STIM2: variants seen among roughly 807,000 people sequenced by gnomAD.
STIM2 encodes the protein stromal interaction molecule 2.
In STIM2, 31 loss-of-function variants were observed where a neutral mutation model predicts 85.8. The ratio of observed to expected loss-of-function variants is 0.36; its 90% confidence interval spans 0.27 to 0.49. The LOEUF (loss-of-function observed/expected upper bound fraction) is 0.49. Ranked by LOEUF, STIM2 falls within the 20% of genes least tolerant of loss-of-function variation. The pLI, the probability that STIM2 is intolerant of heterozygous loss-of-function variation, is 0.98. For synonymous variants in STIM2, 356 were observed against 331.1 expected, an observed-to-expected ratio of 1.08 and a Z score of -0.82; for missense variants, 841 against 927.6, an observed-to-expected ratio of 0.91 and a Z score of 1.21.
At chr4:26,864,365 C>T (rs968640413) in intron 1 of STIM2, among the ~76,000 whole-genome samples, 1 of 151,734 alleles carries the variant, frequency 6.6e-6, no homozygotes, top group African/African-American at 2.4e-5. Flanking sequence ...TTTAATAACT[C>T]AAAACAATAG....
chr4:26,951,416 T>C (rs566267676), intron 2 of STIM2, among the ~76,000 whole-genome samples: 1 of 152,246 alleles, frequency 6.6e-6, no homozygotes, highest in East Asian at 1.9e-4. Flanking sequence ...TTGCACCTTT[T>C]CCTAGAAATT....
At chr4:26,951,826 T>G (rs879529328) in intron 2 of STIM2, among the ~76,000 whole-genome samples, 1 of 152,272 alleles carries the variant, frequency 6.6e-6, no homozygotes, top group Non-Finnish European at 1.5e-5. Context: ...TTAACTTATG[T>G]GATTGTGTGA....
intron 3 of STIM2, among the ~76,000 whole-genome samples, chr4:26,984,571 G>A (rs1212924090): frequency 6.6e-6 from 1 of 152,154 alleles, no homozygotes; most frequent in Non-Finnish European, 1.5e-5. Context: ...CGCCATGTTG[G>A]CCAGGCTGGT....
intron 1 of STIM2, among the ~76,000 whole-genome samples, chr4:26,905,047 T>C (rs573561822): frequency 1.3e-5 from 2 of 152,254 alleles, no homozygotes; most frequent in African/African-American, 4.8e-5. Context: ...ATGAAAAATA[T>C]TTTCTTTCAG....
In STIM2 at chr4:26,948,903, T is replaced by G. The variant is rs74898626; in HGVS notation, c.283-8709T>G. Among the ~76,000 whole-genome samples, 848 of 152,298 alleles carry G rather than the reference T, an allele frequency of 5.6e-3. 12 individuals are homozygous for G. Among genetic ancestry groups the G allele is most frequent in the East Asian group, 0.026 (137 of 5,188 alleles). ...AAGTCTTTGGTTGTTAGAAGATTCT[T>G]GTTAGCTTCCTTGAGAAGTAAAAAT... On this transcript the variant is annotated intron_variant, in intron 2 of 11. Coordinates refer to ENST00000467087, the MANE Select transcript of STIM2 (RefSeq NM_020860.4).
chr4:26,929,827 A>AAG (rs1725137583), intron 2 of STIM2, among the ~76,000 whole-genome samples: 1 of 152,082 alleles, frequency 6.6e-6, no homozygotes, highest in African/African-American at 2.4e-5. Flanking sequence ...GGCTTGTGGG[A>AAG]AGGAGACTAA....
chr4:26,861,258 G>C lies in STIM2; in HGVS notation c.40G>C (p.Gly14Arg). Residue 14 changes from glycine (G) to arginine (R), a missense_variant, in exon 1 of 12, where the codon GGA (glycine) becomes CGA (arginine). This residue lies in a region of STIM2 where 140 missense variants were observed against 117.7 expected (regional missense o/e 1.19). Transcript: ENST00000467087. ...GCTGCTGGTAGCCGGAGCGGCGGACGGATGCGAGCTTGTGCCCCGGCACCT... is the reference window on the plus strand; with the variant it reads ...GCTGCTGGTAGCCGGAGCGGCGGACCGATGCGAGCTTGTGCCCCGGCACCT... 1 of 1,480,898 alleles carries C rather than the reference G, an allele frequency of 6.8e-7. No individual in the cohort carries two copies. The allele number at this position is 1,480,898 out of a possible 1,614,324, so 91.7% of individuals were successfully genotyped here.
chr4:26,873,900 C>T (rs942345032), intron 1 of STIM2: 97 of 1,370,812 alleles, frequency 7.1e-5, no homozygotes, highest in Non-Finnish European at 8.7e-5. Flanking sequence ...CAGGGGTCTG[C>T]GGCTGAGTGG....
At chr4:26,978,359 T>C (rs1727274133) in intron 3 of STIM2, among the ~76,000 whole-genome samples, 1 of 150,216 alleles carries the variant, frequency 6.7e-6, no homozygotes, top group East Asian at 1.9e-4. Context: ...TAAGAAATAA[T>C]TGATACAGGA....
intron 8 of STIM2, 73 bp from the exon 9 acceptor site, chr4:27,008,355 T>C: frequency 1.2e-6 from 1 of 869,478 alleles, no homozygotes; most frequent in Non-Finnish European, 1.7e-6. Flanking sequence ...AAACAAACTT[T>C]ATTATGTTAT....
chr4:26,953,348 C>T (rs1726126407), intron 2 of STIM2, among the ~76,000 whole-genome samples: 1 of 152,144 alleles, frequency 6.6e-6, no homozygotes, highest in African/African-American at 2.4e-5. Flanking sequence ...TTTTGTCTAA[C>T]ACTTTTGCAT....
At chr4:26,923,286 C>A (rs935111849) in intron 2 of STIM2, among the ~76,000 whole-genome samples, 45 of 151,450 alleles carry the variant, frequency 3.0e-4, no homozygotes, top group African/African-American at 1.0e-3. Context: ...AAAAACAGAA[C>A]AGAAAAACTG....
chr4:27,005,890 A>T (rs1045314388), intron 7 of STIM2, among the ~76,000 whole-genome samples: 2 of 152,238 alleles, frequency 1.3e-5, no homozygotes, highest in African/African-American at 4.8e-5. Context: ...AACTTGAATG[A>T]ATTTTGTTGA....
intron 3 of STIM2, among the ~76,000 whole-genome samples, chr4:26,965,570 C>G (rs370514532): frequency 2.0e-5 from 3 of 152,082 alleles, no homozygotes; most frequent in African/African-American, 7.2e-5. Flanking sequence ...TTTAGTGTCT[C>G]TATTCCCTTC....
intron 4 of STIM2, 65 bp downstream of exon 4, chr4:26,995,555 C>T: frequency 1.0e-6 from 1 of 983,854 alleles, no homozygotes; most frequent in Non-Finnish European, 1.5e-6. Context: ...TGTCATTTCC[C>T]CATACTGAAT....
chr4:26,986,881 G>A (rs1337859919), intron 3 of STIM2, among the ~76,000 whole-genome samples: 1 of 152,192 alleles, frequency 6.6e-6, no homozygotes, highest in Admixed American at 6.5e-5. Context: ...ATACTTAAAT[G>A]GCAACTTGGT....
intron 10 of STIM2, 70 bp from the exon 11 acceptor site, chr4:27,017,641 T>A: frequency 6.4e-7 from 1 of 1,564,764 alleles, no homozygotes; most frequent in Non-Finnish European, 8.7e-7. Flanking sequence ...CTCTTGTGTG[T>A]ATGTATTTGT....
chr4:26,945,040 C>A (rs1404788554), intron 2 of STIM2, among the ~76,000 whole-genome samples: 1 of 152,104 alleles, frequency 6.6e-6, no homozygotes, highest in African/African-American at 2.4e-5. Context: ...TATTTCATCA[C>A]CCAGGTATTA....
intron 1 of STIM2, among the ~76,000 whole-genome samples, chr4:26,888,828 C>T (rs1270088560): frequency 1.3e-5 from 2 of 152,186 alleles, no homozygotes; most frequent in Non-Finnish European, 2.9e-5. Context: ...TACAAGATCT[C>T]TCGTATTCTG....
Sources: allele counts gnomAD v4.1 joint callset (sites outside exome capture counted in the v4.1 genomes callset), GRCh38; gene constraint gnomAD v4.1.1; regional missense constraint gnomAD v4.1.1; transcripts MANE v1.5; gene names NCBI Gene and HGNC (gene_info 2026-07-23, HGNC 2026-07-21).